Variants in DSC3 observed in about 807,000 individuals in gnomAD.
The protein encoded by DSC3 is desmocollin-3.
Under a neutral mutation model 89.5 loss-of-function variants are expected in DSC3, and 97 were observed. That is an observed-to-expected ratio of 1.08 (90% CI 0.92 to 1.28). The LOEUF is 1.28. DSC3 is among the 50% of genes most tolerant of loss of function. The probability of loss-of-function intolerance (pLI) is 0.00; values close to 1 mark genes in which losing one functional copy is unlikely to be tolerated. For missense variants in DSC3, 1,199 were observed against 1,085.3 expected, an observed-to-expected ratio of 1.10 and a Z score of -1.47; for synonymous variants, 436 against 384.1, an observed-to-expected ratio of 1.14 and a Z score of -1.58.
intron 9 of DSC3, among the ~76,000 whole-genome samples, chr18:31,009,707 A>G (rs1984992275): frequency 6.6e-6 from 1 of 152,192 alleles, no homozygotes; most frequent in South Asian, 2.1e-4. Context: ...CTAAATCCTC[A>G]TGACATTATG....
chr18:31,017,962 A>T, intron 9 of DSC3, 109 bp downstream of exon 9: 1 of 916,044 alleles, frequency 1.1e-6, no homozygotes, highest in South Asian at 1.7e-5. Flanking sequence ...TAGATTTTAA[A>T]TTTTCTTCCA....
Position 31,032,244 on chromosome 18 carries a change from C to G in DSC3, c.102G>C (p.Lys34Asn). The change falls in exon 2 of 16, where the codon AAG becomes AAC. Residue 34 changes from lysine to asparagine, a missense_variant. Transcript: ENST00000360428. ...GTTTAGAAGGTACATTAAGTATCAC[C>G]TTTTTGCAGGCTTCACCAGCACGAC... Reference protein sequence around the residue: ...IFSRAGEACKKVILNVPSKLE... With the variant: ...IFSRAGEACKNVILNVPSKLE... The G allele has an allele frequency of 1.9e-6, 3 of 1,613,600 alleles. No homozygotes were observed. Among genetic ancestry groups the G allele is most frequent in the Non-Finnish European group, 2.5e-6 (3 of 1,179,676 alleles).
intron 13 of DSC3, among the ~76,000 whole-genome samples, chr18:31,003,453 T>C (rs1984735215): frequency 6.6e-6 from 1 of 152,238 alleles, no homozygotes; most frequent in South Asian, 2.1e-4. Context: ...TACTACGTAC[T>C]GTTCTAAGCA....
intron 9 of DSC3, among the ~76,000 whole-genome samples, chr18:31,010,757 A>T (rs1264493580): frequency 6.6e-6 from 1 of 152,028 alleles, no homozygotes; most frequent in African/African-American, 2.4e-5. Flanking sequence ...TACTATCCTC[A>T]CTCAAGCCCA....
intron 9 of DSC3, among the ~76,000 whole-genome samples, chr18:31,010,509 C>T (rs972105954): frequency 2.6e-5 from 4 of 152,048 alleles, no homozygotes; most frequent in African/African-American, 9.7e-5. Flanking sequence ...TAAAACTCTC[C>T]AAAATTAAAA....
rs1340575545 is a variant in DSC3, at chr18:31,001,725, A to C, written c.2128T>G (p.Leu710Val). ...GTTGCACCAAAAACTCCACATACTAAAGTTAGCAATACAGCTGAATTTAAA... is the reference window on the plus strand; with the variant it reads ...GTTGCACCAAAAACTCCACATACTACAGTTAGCAATACAGCTGAATTTAAA... ...IALLFSVLLT[L>V]VCGVFGATKG... Residue 710 changes from leucine (L) to valine (V), a missense_variant, in exon 14 of 16, where the codon TTA (leucine) becomes GTA (valine). Coordinates refer to ENST00000360428, the MANE Select transcript of DSC3 (RefSeq NM_001941.5). The C allele has an allele frequency of 3.1e-6, 5 of 1,605,240 alleles. No individual in the cohort carries two copies. The South Asian group carries it at 5.7e-5, about 18-fold the overall frequency.
At chr18:30,996,741 C>T in intron 15 of DSC3, 50 bp downstream of exon 15, 2 of 1,604,370 alleles carry the variant, frequency 1.2e-6, no homozygotes, top group African/African-American at 1.3e-5. Flanking sequence ...GTCTATTTTT[C>T]TCCATTCGGA....
chr18:31,004,233 TG>T lies in DSC3; in HGVS notation c.2021del (p.Pro674GlnfsTer13). ...TCCTTGAAGTCGCACGACACTGAGTTGGATGAGTACATTCACACAGATTAAC... is the reference window on the plus strand; with the variant it reads ...TCCTTGAAGTCGCACGACACTGAGTTGATGAGTACATTCACACAGATTAAC... The part of the protein sequence containing the change: ...LRVNLCECTH[P>X]TQCRATSRST... On this transcript the variant is annotated frameshift_variant, in exon 13 of 16. Coordinates refer to ENST00000360428, the MANE Select transcript of DSC3 (RefSeq NM_001941.5). LOFTEE classifies it high-confidence loss of function. 1.9e-6 allele frequency: 3 copies of T among 1,614,036 alleles called. No homozygotes were observed. Among genetic ancestry groups the T allele is most frequent in the Non-Finnish European group, 2.5e-6 (3 of 1,179,938 alleles).
chr18:31,022,472 T>C lies in DSC3; in HGVS notation c.806A>G (p.Asp269Gly). Reference sequence around the variant, plus strand: ...ATGCATTGTGTCCGGTTCATCTCTGTCTGTGGCACAAACCACCCCCACTGT... The same window carrying C: ...ATGCATTGTGTCCGGTTCATCTCTGCCTGTGGCACAAACCACCCCCACTGT... ...GTTVGVVCAT[D>G]RDEPDTMHTR... Residue 269 changes from aspartate to glycine, a missense_variant, in exon 7 of 16, where the codon GAC becomes GGC. Physicochemically the swap from Asp to Gly is moderately conservative, Grantham distance 94. Coordinates refer to ENST00000360428, the MANE Select transcript of DSC3 (RefSeq NM_001941.5). The C allele has an allele frequency of 6.2e-7, 1 of 1,614,080 alleles. No individual in the cohort carries two copies. Among genetic ancestry groups the C allele is most frequent in the Non-Finnish European group, 8.5e-7 (1 of 1,179,972 alleles).
chr18:30,995,182 G>A lies in DSC3; in HGVS notation c.2494-810C>T, dbSNP rs190530012. On this transcript the variant is annotated intron_variant, in intron 15 of 15. Transcript: ENST00000360428. ...GTCTCCTCCCTTTCCTCACCTGTGT[G>A]CCCACTCCTTGCCTATGTGGAGTTC... 9.9e-5 allele frequency among the ~76,000 whole-genome samples: 15 copies of A among 152,202 alleles called. 1 individual carries two copies. The highest frequency in any genetic ancestry group is 3.6e-4 in the African/African-American group (15 of 41,522).
In DSC3 at chr18:30,990,550, G is replaced by A. The variant is rs1420197547; in HGVS notation, c.*3625C>T. The A allele has an allele frequency of 4.6e-5, 7 of 152,182 alleles. No individual in the cohort carries two copies. Among genetic ancestry groups the A allele is most frequent in the African/African-American group, 9.7e-5 (4 of 41,440 alleles). 9.4% of individuals were successfully genotyped at this position (152,182 alleles called of 1,614,324 possible). A position where few individuals can be genotyped will look rare whatever the true frequency, so the allele number is the denominator to read the frequency against. On this transcript the variant is annotated 3_prime_UTR_variant, in exon 16 of 16. Transcript: ENST00000360428. ...GATTTTTGAAATGATCAGTCTTAACGTTTGTAGGGGAGCACACTCCTGCAT... is the reference window on the plus strand; with the variant it reads ...GATTTTTGAAATGATCAGTCTTAACATTTGTAGGGGAGCACACTCCTGCAT...
At chr18:30,997,171 A>T in intron 14 of DSC3, 123 bp from the exon 15 acceptor site, 3 of 1,236,458 alleles carry the variant, frequency 2.4e-6, no homozygotes, top group Non-Finnish European at 3.5e-6. Flanking sequence ...TTCATTCAAC[A>T]GACATTTATC....
rs1461391678 is a variant in DSC3, at chr18:31,018,274, C to A, written c.1078-18G>T. On this transcript the variant is annotated intron_variant, in intron 8 of 15. Transcript: ENST00000360428. Reference sequence around the variant, plus strand: ...GCTTCATACTGAAACAGAAAGAAGTCATTGAAAATTGAAATTTTATTTTAT... The same window carrying A: ...GCTTCATACTGAAACAGAAAGAAGTAATTGAAAATTGAAATTTTATTTTAT... The A allele has an allele frequency of 1.3e-6, 2 of 1,591,678 alleles. No homozygotes were observed. The highest frequency in any genetic ancestry group is 1.3e-5 in the African/African-American group (1 of 74,328).
chr18:31,008,402 T>C lies in DSC3; in HGVS notation c.1387A>G (p.Arg463Gly), dbSNP rs1234539210. 9.2e-5 allele frequency: 149 copies of C among 1,614,028 alleles called. No homozygotes were observed. Among genetic ancestry groups the C allele is most frequent in the Non-Finnish European group, 1.2e-4 (143 of 1,180,016 alleles). The change falls in exon 10 of 16, where the codon AGG becomes GGG. Residue 463 changes from arginine to glycine, a missense_variant. Arg to Gly is a moderately radical substitution (Grantham distance 125). Transcript: ENST00000360428. ...CATTCAGGCCCCTCATCCAGATCCC[T>C]CACATGAACTGTAACCAAGGCTCTG... ...LNRALVTVHV[R>G]DLDEGPECTP...
chr18:31,025,954 A>G (rs983373102), intron 4 of DSC3, 39 bp from the exon 5 acceptor site: 2 of 1,564,036 alleles, frequency 1.3e-6, no homozygotes, highest in African/African-American at 2.7e-5. Flanking sequence ...AATTAAAACT[A>G]AATTCAGTTA....
chr18:31,026,473 G>C (rs1985602742), intron 4 of DSC3, among the ~76,000 whole-genome samples: 1 of 151,940 alleles, frequency 6.6e-6, no homozygotes, highest in African/African-American at 2.4e-5. Context: ...TGGTTGGATG[G>C]GTAAGGAAAA....
rs1027986117 is a variant in DSC3 at position 31,008,136 on chromosome 18, T to C, written c.1543A>G (p.Lys515Glu). The C allele has an allele frequency of 1.2e-6, 2 of 1,612,354 alleles. No individual in the cohort carries two copies. The highest frequency in any genetic ancestry group is 2.2e-5 in the East Asian group (1 of 44,826). Residue 515 changes from lysine (K) to glutamate (E), a missense_variant, in exon 11 of 16, where the codon AAA becomes GAA. Lys to Glu is a moderately conservative substitution (Grantham distance 56). Coordinates refer to ENST00000360428, the MANE Select transcript of DSC3 (RefSeq NM_001941.5). ...ATTTCATCAATGGTGATCCAACCTT[T>C]AGGATCATGCAATTTTTTGTACCTG... is the stretch of plus-strand genomic sequence containing the variant. Reference protein sequence around the residue: ...GLRYKKLHDPKGWITIDEISG... With the variant: ...GLRYKKLHDPEGWITIDEISG...
intron 1 of DSC3, among the ~76,000 whole-genome samples, chr18:31,034,568 T>C (rs1159176255): frequency 2.0e-5 from 3 of 152,148 alleles, no homozygotes; most frequent in Admixed American, 6.5e-5. Context: ...AAACTTGTCA[T>C]GAATATTCAC....
rs1485419292 is a variant in DSC3 at position 31,008,097 on chromosome 18, T to C, written c.1582A>G (p.Ile528Val). Residue 528 changes from isoleucine to valine, a missense_variant, in exon 11 of 16, where the codon ATA (isoleucine) becomes GTA (valine). By Grantham distance (29) the Ile-to-Val change is conservative. Transcript: ENST00000360428. ...TCCCTATCCAGGATTTTGGAAGTTA[T>C]GATTGACCCTGAAATTTCATCAATG... ...ITIDEISGSI[I>V]TSKILDREVE... 4 of 1,613,080 alleles carry C rather than the reference T, an allele frequency of 2.5e-6. No individual in the cohort carries two copies. Among genetic ancestry groups the C allele is most frequent in the Non-Finnish European group, 8.5e-7 (1 of 1,179,568 alleles).
Sources: allele counts gnomAD v4.1 joint callset (sites outside exome capture counted in the v4.1 genomes callset), GRCh38; gene constraint gnomAD v4.1.1; transcripts MANE v1.5; gene names NCBI Gene and HGNC (gene_info 2026-07-23, HGNC 2026-07-21).